The following MTMR1 variants were observed in gnomAD, a reference collection of about 807,000 sequenced individuals.
The protein encoded by MTMR1 is myotubularin related protein 1, also known as phosphatidylinositol-3-phosphate phosphatase MTMR1.
Under a neutral mutation model 51.6 loss-of-function variants are expected in MTMR1, and 17 were observed. That is an observed-to-expected ratio of 0.33 (90% CI 0.23 to 0.49). The LOEUF is 0.49. MTMR1 is among the 20% of genes least tolerant of loss of function. The pLI, the probability that MTMR1 is intolerant of heterozygous loss-of-function variation, is 0.99. For missense variants in MTMR1, 386 were observed against 526.9 expected (o/e 0.73, Z 2.62); for synonymous variants, 201 against 205.6 (o/e 0.98, Z 0.19).
At chrX:150,761,500 G>C (rs945019182) in intron 15 of MTMR1, among the ~76,000 whole-genome samples, 1 of 112,981 alleles carries the variant, frequency 8.9e-6, no homozygotes, top group Non-Finnish European at 1.9e-5. Context: ...ATGAGCCAGA[G>C]GGCCAGGCTG....
At chrX:150,700,219 T>C (rs1380105471) in intron 2 of MTMR1, among the ~76,000 whole-genome samples, 1 of 112,205 alleles carries the variant, frequency 8.9e-6, no homozygotes, top group Admixed American at 9.4e-5. Context: ...CTTACAAATA[T>C]CAAGAATTAC....
intron 15 of MTMR1, among the ~76,000 whole-genome samples, chrX:150,760,951 A>C (rs1220606641): frequency 1.8e-5 from 2 of 109,587 alleles, no homozygotes; most frequent in Non-Finnish European, 3.8e-5. Context: ...AAAAAAAAGA[A>C]AAAGAAAAGA....
intron 4 of MTMR1, among the ~76,000 whole-genome samples, chrX:150,720,849 A>C (rs1027555678): frequency 1.5e-4 from 17 of 111,921 alleles, no homozygotes; most frequent in Non-Finnish European, 5.6e-5. Flanking sequence ...AAAGAGAAGA[A>C]GTGAGAGTGG....
At chrX:150,759,161 C>G (rs782620971) in intron 15 of MTMR1, among the ~76,000 whole-genome samples, 1 of 112,656 alleles carries the variant, frequency 8.9e-6, no homozygotes, top group East Asian at 2.8e-4. Context: ...AGGGGCCCAT[C>G]AAGCACTTCT....
intron 3 of MTMR1, chrX:150,713,119 C>A: frequency 8.5e-6 from 2 of 234,234 alleles, no homozygotes; most frequent in Non-Finnish European, 1.4e-5. Flanking sequence ...CAAGCTAAGT[C>A]TTGTTATTCT....
intron 4 of MTMR1, among the ~76,000 whole-genome samples, chrX:150,723,348 A>G (rs920222671): frequency 4.5e-5 from 5 of 111,283 alleles, no homozygotes; most frequent in Non-Finnish European, 9.4e-5. Context: ...AGCATGATTT[A>G]TAGTCCTTTG....
At chrX:150,759,481 A>G (rs367981674) in intron 15 of MTMR1, among the ~76,000 whole-genome samples, 2 of 100,062 alleles carry the variant, frequency 2.0e-5, no homozygotes, top group Non-Finnish European at 4.5e-5. Context: ...TTGGCTAAAC[A>G]GAGCCTCTCG....
At chrX:150,760,852 G>A (rs984547125) in intron 15 of MTMR1, among the ~76,000 whole-genome samples, 12 of 108,992 alleles carry the variant, frequency 1.1e-4, no homozygotes, top group South Asian at 4.0e-4. Context: ...GCTTGAATTC[G>A]GGAGGCGGAG....
intron 15 of MTMR1, among the ~76,000 whole-genome samples, chrX:150,760,960 G>C (rs2043105772): frequency 9.3e-6 from 1 of 107,904 alleles, no homozygotes; most frequent in Non-Finnish European, 1.9e-5. Context: ...AAAAAGAAAA[G>C]AAATAGGTGA....
At chrX:150,734,562 A>G (rs1333766808) in intron 10 of MTMR1, among the ~76,000 whole-genome samples, 1 of 112,432 alleles carries the variant, frequency 8.9e-6, no homozygotes, top group Non-Finnish European at 1.9e-5. Flanking sequence ...GAAAAGCCAT[A>G]TTGGTGGAGG....
chrX:150,698,674 GCGCGCGCACACACACACACACA>G (rs1450033504), intron 1 of MTMR1, among the ~76,000 whole-genome samples: 22 of 61,223 alleles, frequency 3.6e-4, no homozygotes, highest in Non-Finnish European at 5.3e-4. Flanking sequence ...CTGTCTACAC[GCGCGCGCACACACACACACACA>G]CACACACACA....
At chrX:150,760,584 G>C (rs1030028688) in intron 15 of MTMR1, among the ~76,000 whole-genome samples, 1 of 111,795 alleles carries the variant, frequency 8.9e-6, no homozygotes, top group African/African-American at 3.3e-5. Flanking sequence ...TTAAGCCTCC[G>C]AGTTTTCTAT....
At chrX:150,709,453 G>A (rs961127504) in intron 2 of MTMR1, among the ~76,000 whole-genome samples, 1 of 112,229 alleles carries the variant, frequency 8.9e-6, no homozygotes, top group Admixed American at 9.4e-5. Context: ...TTAGTTTCTC[G>A]TTTTAGTGGC....
At chrX:150,702,559 G>A (rs1436695383) in intron 2 of MTMR1, among the ~76,000 whole-genome samples, 1 of 111,956 alleles carries the variant, frequency 8.9e-6, no homozygotes, top group Non-Finnish European at 1.9e-5. Context: ...CTCATCTAAA[G>A]TACAGTAAGA....
At chrX:150,732,404 T>C in intron 9 of MTMR1, 138 bp from the exon 10 acceptor site, 1 of 500,653 alleles carries the variant, frequency 2.0e-6, no homozygotes, top group Non-Finnish European at 3.2e-6. Context: ...AATGCTGTGA[T>C]TGGCCTGCCC....
chrX:150,738,117 T>C lies in MTMR1; in HGVS notation c.1473+669T>C, dbSNP rs183099534. On this transcript the variant is annotated intron_variant, in intron 12 of 15. Coordinates refer to ENST00000445323, the MANE Select transcript of MTMR1 (RefSeq NM_001306144.3). ...TACTCTTCACCTCAAAAGGAAATGCTGTACACATTAAACAGTCATTCCTCA... is the reference window on the plus strand; with the variant it reads ...TACTCTTCACCTCAAAAGGAAATGCCGTACACATTAAACAGTCATTCCTCA... Among the ~76,000 whole-genome samples, 3 of 112,036 alleles carry C rather than the reference T, an allele frequency of 2.7e-5. No individual in the cohort carries two copies. The East Asian group carries it at 8.4e-4, about 31-fold the overall frequency.
chrX:150,753,991 GT>G (rs782146632), intron 14 of MTMR1, among the ~76,000 whole-genome samples: 29 of 112,662 alleles, frequency 2.6e-4, no homozygotes, highest in Non-Finnish European at 4.9e-4. Context: ...CTGAGGTAAC[GT>G]TTGTATACGG....
intron 3 of MTMR1, among the ~76,000 whole-genome samples, chrX:150,714,912 C>A (rs980494420): frequency 8.9e-5 from 10 of 111,880 alleles, no homozygotes; most frequent in Admixed American, 1.9e-4. Flanking sequence ...ATGCCCAACA[C>A]AGTACCTGGT....
intron 6 of MTMR1, among the ~76,000 whole-genome samples, chrX:150,728,899 A>T (rs1275085097): frequency 1.8e-5 from 2 of 108,660 alleles, no homozygotes; most frequent in Non-Finnish European, 3.8e-5. Flanking sequence ...ACTCTTCCAG[A>T]TCATGAATCT....
Sources: allele counts gnomAD v4.1 joint callset (sites outside exome capture counted in the v4.1 genomes callset), GRCh38; gene constraint gnomAD v4.1.1; transcripts MANE v1.5; gene names NCBI Gene and HGNC (gene_info 2026-07-23, HGNC 2026-07-21).